ANKS1B: variants seen among roughly 807,000 people sequenced by gnomAD.
ANKS1B encodes the protein ankyrin repeat and sterile alpha motif domain-containing protein 1B.
In ANKS1B, 36 loss-of-function variants were observed where a neutral mutation model predicts 148.3. The ratio of observed to expected loss-of-function variants is 0.24; its 90% CI spans 0.19 to 0.32. The LOEUF is 0.32. Ranked by LOEUF, ANKS1B falls within the 10% of genes least tolerant of loss-of-function variation. ANKS1B has a pLI of 1.00. For missense variants in ANKS1B, 1,157 were observed against 1,542.6 expected (o/e 0.75, Z 4.19); for synonymous variants, 542 against 560.8 (o/e 0.97, Z 0.47).
chr12:98,894,485 T>G (rs2099759408), intron 17 of ANKS1B: 2 of 672,078 alleles, frequency 3.0e-6, no homozygotes, highest in Non-Finnish European at 3.7e-6. Context: ...CTGCAACACC[T>G]GCCCCGGCAA....
rs1372991446 is a variant in ANKS1B at position 99,984,252 on chromosome 12, T to A, written c.-15A>T. The A allele has an allele frequency of 6.2e-7, 1 of 1,608,440 alleles. No homozygotes were observed. The highest frequency in any genetic ancestry group is 1.3e-5 in the African/African-American group (1 of 74,632). Reference sequence around the variant, plus strand: ...TCCTTCCCCATAGTCTCTCACCGACTCCCCCACAGAGTCCTTGCCCCCCTC... The same window carrying A: ...TCCTTCCCCATAGTCTCTCACCGACACCCCCACAGAGTCCTTGCCCCCCTC... On this transcript the variant is annotated 5_prime_UTR_variant, in exon 1 of 27. Coordinates refer to ENST00000683438, the MANE Select transcript of ANKS1B (RefSeq NM_001352186.2).
chr12:99,472,493 TTAGA>T (rs2096257048), intron 10 of ANKS1B, among the ~76,000 whole-genome samples: 1 of 152,128 alleles, frequency 6.6e-6, no homozygotes, highest in Admixed American at 6.6e-5. Context: ...ATCAACTAAA[TTAGA>T]TATTTCAAAA....
At chr12:98,938,575 C>T (rs986235721) in intron 17 of ANKS1B, among the ~76,000 whole-genome samples, 1 of 152,168 alleles carries the variant, frequency 6.6e-6, no homozygotes, top group African/African-American at 2.4e-5. Flanking sequence ...GAGTGCTCTT[C>T]CTGAAAATGC....
chr12:99,717,899 CTTTT>C (rs943618905), intron 8 of ANKS1B, among the ~76,000 whole-genome samples: 2 of 111,084 alleles, frequency 1.8e-5, no homozygotes, highest in African/African-American at 3.6e-5. Context: ...AGACAATACT[CTTTT>C]TTTTTTTTTT....
At chr12:98,809,481 A>T (rs1332665963) in intron 19 of ANKS1B, among the ~76,000 whole-genome samples, 5 of 152,034 alleles carry the variant, frequency 3.3e-5, no homozygotes, top group Non-Finnish European at 7.4e-5. Flanking sequence ...AAGTGCTTCT[A>T]GCACTTCTAG....
At chr12:99,785,782 A>T (rs752084258) in intron 4 of ANKS1B, among the ~76,000 whole-genome samples, 1 of 152,210 alleles carries the variant, frequency 6.6e-6, no homozygotes, top group African/African-American at 2.4e-5. Flanking sequence ...TCTAAAGTAG[A>T]TAAGTACATT....
At position 99,569,273 on chromosome 12, in the gene ANKS1B, G is replaced by T. The variant is rs534104054; in HGVS notation, c.1273-64632C>A. On this transcript the variant is annotated intron_variant, in intron 9 of 26. Transcript: ENST00000683438. ...CTATAATTACTGGTGCTCTAACACA[G>T]CAGTGTAGCGAGAGGCTGGGAACTG... Among the ~76,000 whole-genome samples, 6 of 152,320 alleles carry T rather than the reference G, an allele frequency of 3.9e-5. No individual in the cohort carries two copies. The East Asian group carries it at 1.2e-3, about 29-fold the overall frequency.
At chr12:99,128,102 G>A (rs1432904576) in intron 15 of ANKS1B, among the ~76,000 whole-genome samples, 2 of 152,140 alleles carry the variant, frequency 1.3e-5, no homozygotes, top group African/African-American at 4.8e-5. Flanking sequence ...ATCGTTTCAA[G>A]AAAGTTTATT....
At chr12:98,816,121 T>G (rs1435843583) in intron 19 of ANKS1B, among the ~76,000 whole-genome samples, 1 of 152,144 alleles carries the variant, frequency 6.6e-6, no homozygotes, top group Admixed American at 6.5e-5. Context: ...CTTCTCTTTC[T>G]GCCTGACATG....
chr12:98,756,999 G>C (rs1288805182), intron 25 of ANKS1B, among the ~76,000 whole-genome samples: 2 of 151,668 alleles, frequency 1.3e-5, no homozygotes, highest in Non-Finnish European at 2.9e-5. Context: ...AAAGTGCTGG[G>C]ATTACAGGCA....
chr12:99,206,916 G>A (rs1566631088), intron 14 of ANKS1B, among the ~76,000 whole-genome samples: 1 of 152,162 alleles, frequency 6.6e-6, no homozygotes, highest in Non-Finnish European at 1.5e-5. Flanking sequence ...GAGAGTACTG[G>A]TCTAAACAAG....
intron 8 of ANKS1B, among the ~76,000 whole-genome samples, chr12:99,680,453 A>AAGC (rs2098607768): frequency 6.6e-6 from 1 of 151,330 alleles, no homozygotes; most frequent in African/African-American, 2.4e-5. Context: ...AAGGAAGAAG[A>AAGC]AGCAGCAGCA....
intron 1 of ANKS1B, among the ~76,000 whole-genome samples, chr12:99,927,889 T>C: frequency 6.6e-6 from 1 of 152,156 alleles, no homozygotes; most frequent in Non-Finnish European, 1.5e-5. Flanking sequence ...TATATAAAAA[T>C]AATACTATAA....
chr12:99,984,337 T>G lies in ANKS1B; in HGVS notation c.-100A>C. 1.2e-6 allele frequency: 1 copy of G among 821,964 alleles called. No homozygotes were observed. The highest frequency in any genetic ancestry group is 1.6e-6 in the Non-Finnish European group (1 of 619,602). 50.9% of individuals were successfully genotyped at this position (821,964 alleles called of 1,614,324 possible). On this transcript the variant is annotated 5_prime_UTR_variant, in exon 1 of 27. Coordinates refer to ENST00000683438, the MANE Select transcript of ANKS1B (RefSeq NM_001352186.2). ...ATCCAGGGCCCTCTTCGCCCCACCCTAAAATAATGCAAGAGCTTCAGCACG... is the reference window on the plus strand; with the variant it reads ...ATCCAGGGCCCTCTTCGCCCCACCCGAAAATAATGCAAGAGCTTCAGCACG...
At chr12:99,632,725 T>TTATATATATATATA (rs1294251446) in intron 9 of ANKS1B, among the ~76,000 whole-genome samples, 1 of 26,214 alleles carries the variant, frequency 3.8e-5, no homozygotes, top group Admixed American at 6.5e-4. Flanking sequence ...TTCCTTTTCT[T>TTATATATATATATA]TCTATATATA....
At chr12:98,837,440 G>T (rs940650761) in intron 17 of ANKS1B, among the ~76,000 whole-genome samples, 1 of 152,172 alleles carries the variant, frequency 6.6e-6, no homozygotes, top group Admixed American at 6.5e-5. Context: ...TCAAAGGCAA[G>T]GAGTATTGTT....
intron 9 of ANKS1B, among the ~76,000 whole-genome samples, chr12:99,553,341 A>G (rs552899563): frequency 1.3e-5 from 2 of 152,334 alleles, no homozygotes; most frequent in African/African-American, 2.4e-5. Context: ...ATATTATTCA[A>G]TGCAGTAACC....
intron 14 of ANKS1B, among the ~76,000 whole-genome samples, chr12:99,239,600 C>T (rs537295406): frequency 6.6e-6 from 1 of 152,010 alleles, no homozygotes; most frequent in African/African-American, 2.4e-5. Flanking sequence ...AGAGCAACCC[C>T]AAGACACATA....
chr12:99,573,373 T>C (rs1215886956), intron 9 of ANKS1B, among the ~76,000 whole-genome samples: 1 of 152,130 alleles, frequency 6.6e-6, no homozygotes, highest in African/African-American at 2.4e-5. Context: ...AGATGATTGA[T>C]TTTTTTAAAA....
Sources: gnomAD v4.1 joint callset for allele counts (sites outside exome capture counted in the v4.1 genomes callset) on GRCh38, gnomAD v4.1.1 for gene constraint, MANE v1.5 for transcripts, NCBI Gene and HGNC (gene_info 2026-07-23, HGNC 2026-07-21) for gene names.